The following SPIDR variants were observed in gnomAD, a reference collection of about 807,000 sequenced individuals.
The protein encoded by SPIDR is DNA repair-scaffolding protein.
SPIDR carries 93 observed loss-of-function variants against 104.6 expected under a neutral mutation model. That is an observed-to-expected ratio of 0.89 (90% CI 0.75 to 1.06). The LOEUF (loss-of-function observed/expected upper bound fraction) is 1.06, where lower values mean the gene tolerates loss of function less well. Ranked by LOEUF, SPIDR falls within the 50% of genes least tolerant of loss-of-function variation. The pLI, the probability that SPIDR is intolerant of heterozygous loss-of-function variation, is 0.00. For synonymous variants in SPIDR, 431 were observed against 416.9 expected, an observed-to-expected ratio of 1.03 and a Z score of -0.41; for missense variants, 1,154 against 1,111.2, an observed-to-expected ratio of 1.04 and a Z score of -0.55.
chr8:47,472,152 T>C (rs1319356235), intron 8 of SPIDR, among the ~76,000 whole-genome samples: 3 of 152,250 alleles, frequency 2.0e-5, no homozygotes, highest in Non-Finnish European at 2.9e-5. Flanking sequence ...TAGTAAATGC[T>C]GCACAGGAAG....
intron 8 of SPIDR, among the ~76,000 whole-genome samples, chr8:47,497,067 G>A (rs556427039): frequency 4.5e-4 from 68 of 151,690 alleles, no homozygotes; most frequent in Non-Finnish European, 6.2e-4. Flanking sequence ...CCTCTCTTTC[G>A]ATTCTGATTT....
At chr8:47,288,811 T>C (rs1174245495) in intron 3 of SPIDR, among the ~76,000 whole-genome samples, 10 of 152,338 alleles carry the variant, frequency 6.6e-5, no homozygotes, top group Admixed American at 6.5e-4. Flanking sequence ...GACTATTCCA[T>C]GTTTTTGTGC....
intron 14 of SPIDR, 89 bp from the exon 15 acceptor site, chr8:47,712,573 T>C (rs2082032372): frequency 7.6e-7 from 1 of 1,307,460 alleles, no homozygotes; most frequent in Non-Finnish European, 1.1e-6. Context: ...TATCTTAAAT[T>C]GTTAGTATAT....
intron 8 of SPIDR, among the ~76,000 whole-genome samples, chr8:47,472,163 G>T (rs1554721450): frequency 1.3e-5 from 2 of 152,206 alleles, no homozygotes; most frequent in South Asian, 2.1e-4. Context: ...GCACAGGAAG[G>T]CTGCAGTCAA....
At chr8:47,496,933 G>C (rs1471839024) in intron 8 of SPIDR, among the ~76,000 whole-genome samples, 2 of 151,932 alleles carry the variant, frequency 1.3e-5, no homozygotes, top group African/African-American at 4.8e-5. Context: ...TTGGGAGTTT[G>C]TGCCTTTCTA....
chr8:47,538,296 G>T (rs191362359), intron 8 of SPIDR, among the ~76,000 whole-genome samples: 140 of 152,226 alleles, frequency 9.2e-4, no homozygotes, highest in African/African-American at 3.3e-3. Context: ...TGTAATCCCA[G>T]CACTTTGGAA....
intron 8 of SPIDR, among the ~76,000 whole-genome samples, chr8:47,533,034 A>AG (rs1564251452): frequency 6.6e-6 from 1 of 152,100 alleles, no homozygotes. Context: ...GAAATTTAAA[A>AG]TATTTTAACA....
chr8:47,322,768 A>G (rs2046939323), intron 5 of SPIDR, among the ~76,000 whole-genome samples: 1 of 152,308 alleles, frequency 6.6e-6, no homozygotes, highest in Admixed American at 6.5e-5. Context: ...ATAAAAAAGG[A>G]TGAGTTCATG....
chr8:47,511,782 A>T, intron 8 of SPIDR: 1 of 1,246,760 alleles, frequency 8.0e-7, no homozygotes, highest in Non-Finnish European at 1.2e-6. Flanking sequence ...CTTTAAAGAG[A>T]TCATCCACCA....
chr8:47,352,914 C>T (rs893749287), intron 5 of SPIDR, among the ~76,000 whole-genome samples: 12 of 151,708 alleles, frequency 7.9e-5, no homozygotes, highest in Admixed American at 3.9e-4. Flanking sequence ...ATTAGCTGGG[C>T]GTGGTGGCAT....
intron 1 of SPIDR, among the ~76,000 whole-genome samples, chr8:47,271,834 C>T (rs2035384790): frequency 1.3e-5 from 2 of 152,104 alleles, no homozygotes; most frequent in South Asian, 4.1e-4. Context: ...GATGCCCAGG[C>T]TGGAGTGCAA....
chr8:47,673,868 A>C lies in SPIDR; in HGVS notation c.1612A>C (p.Lys538Gln), dbSNP rs1203830128. Residue 538 changes from lysine (K) to glutamine (Q), a missense_variant, in exon 11 of 20, where the codon AAG becomes CAG. Transcript: ENST00000297423. ...GEVHLEFTMS[K>Q]ARQLEGKSCS... The stretch of plus-strand genomic sequence containing the variant: ...AGTGCACTTGGAGTTCACCATGTCG[A>C]AGGCAAGACAGTTGGAAGGGAAGTC... The C allele has an allele frequency of 6.2e-7, 1 of 1,614,198 alleles. No homozygotes were observed. The highest frequency in any genetic ancestry group is 8.5e-7 in the Non-Finnish European group (1 of 1,180,034).
chr8:47,320,850 A>C (rs782047950), intron 5 of SPIDR, among the ~76,000 whole-genome samples: 1 of 152,216 alleles, frequency 6.6e-6, no homozygotes, highest in Non-Finnish European at 1.5e-5. Flanking sequence ...GTAAAACCAC[A>C]TGATTATCTC....
intron 8 of SPIDR, among the ~76,000 whole-genome samples, chr8:47,561,372 C>G (rs1329371693): frequency 6.6e-6 from 1 of 152,210 alleles, no homozygotes; most frequent in Non-Finnish European, 1.5e-5. Context: ...TGCTCATTTG[C>G]TTCTTCCTCT....
intron 5 of SPIDR, among the ~76,000 whole-genome samples, chr8:47,310,227 G>A (rs1239932813): frequency 2.0e-5 from 3 of 147,816 alleles, no homozygotes; most frequent in South Asian, 2.2e-4. Flanking sequence ...CCAGCTACTC[G>A]GGAGGCTGAG....
chr8:47,608,867 G>A (rs1409948180), intron 10 of SPIDR, among the ~76,000 whole-genome samples: 1 of 152,204 alleles, frequency 6.6e-6, no homozygotes, highest in African/African-American at 2.4e-5. Flanking sequence ...GGGACTACAC[G>A]TGCGTGTGCG....
At chr8:47,672,011 G>T (rs1040402839) in intron 10 of SPIDR, among the ~76,000 whole-genome samples, 1 of 152,120 alleles carries the variant, frequency 6.6e-6, no homozygotes, top group Non-Finnish European at 1.5e-5. Flanking sequence ...AGGCTGGAGT[G>T]CAGTGACATG....
chr8:47,502,140 A>C (rs1311675846), intron 8 of SPIDR, among the ~76,000 whole-genome samples: 3 of 152,202 alleles, frequency 2.0e-5, no homozygotes, highest in African/African-American at 7.2e-5. Flanking sequence ...TGGTATCAGG[A>C]TGATGCTGGC....
chr8:47,511,538 C>T, intron 8 of SPIDR: 1 of 782,116 alleles, frequency 1.3e-6, no homozygotes, highest in South Asian at 1.3e-5. Flanking sequence ...TCGGATGGGT[C>T]TCAGTAGCTT....
Sources: allele counts gnomAD v4.1 joint callset (sites outside exome capture counted in the v4.1 genomes callset), GRCh38; gene constraint gnomAD v4.1.1; transcripts MANE v1.5; gene names NCBI Gene and HGNC (gene_info 2026-07-23, HGNC 2026-07-21).